SPATS2: variants seen among roughly 807,000 people sequenced by gnomAD.
SPATS2 encodes spermatogenesis associated serine rich 2.
Under a neutral mutation model 63.7 loss-of-function variants are expected in SPATS2, and 38 were observed. The ratio of observed to expected loss-of-function variants is 0.60; its 90% CI spans 0.46 to 0.78. The LOEUF is 0.78. Ranked by LOEUF, SPATS2 falls within the 30% of genes least tolerant of loss-of-function variation. SPATS2 has a pLI of 0.00. For missense variants in SPATS2, 588 were observed against 666.2 expected (o/e 0.88, Z 1.29); for synonymous variants, 207 against 232.9 (o/e 0.89, Z 1.01).
At chr12:49,506,308 A>G (rs1398089951) in intron 9 of SPATS2, among the ~76,000 whole-genome samples, 1 of 134,984 alleles carries the variant, frequency 7.4e-6, no homozygotes, top group Non-Finnish European at 1.5e-5. Flanking sequence ...AGACTGGGTA[A>G]TTTATCAAGG....
chr12:49,492,709 G>A (rs1946402790), intron 6 of SPATS2, among the ~76,000 whole-genome samples: 1 of 152,184 alleles, frequency 6.6e-6, no homozygotes, highest in Non-Finnish European at 1.5e-5. Context: ...GTTGGGATTA[G>A]TCCAATAGGA....
At chr12:49,413,556 G>C (rs544639839) in intron 2 of SPATS2, among the ~76,000 whole-genome samples, 12 of 151,982 alleles carry the variant, frequency 7.9e-5, no homozygotes, top group Middle Eastern at 6.8e-3. Flanking sequence ...ACTTCAGTCT[G>C]CTCTCTGGTC....
chr12:49,479,120 T>C (rs772605188), intron 3 of SPATS2, among the ~76,000 whole-genome samples: 6 of 152,218 alleles, frequency 3.9e-5, no homozygotes, highest in Non-Finnish European at 5.9e-5. Context: ...CCTGCCCAGC[T>C]CTGGCTGAGC....
At chr12:49,459,065 G>A (rs1192506862) in intron 2 of SPATS2, among the ~76,000 whole-genome samples, 1 of 152,140 alleles carries the variant, frequency 6.6e-6, no homozygotes, top group Non-Finnish European at 1.5e-5. Flanking sequence ...CACAATAAGC[G>A]AATAGAATGT....
intron 2 of SPATS2, among the ~76,000 whole-genome samples, chr12:49,373,921 A>G (rs1250959960): frequency 1.3e-5 from 2 of 151,988 alleles, no homozygotes; most frequent in African/African-American, 4.8e-5. Flanking sequence ...TCCAACTCTA[A>G]ATAAATAAAT....
chr12:49,417,104 G>A (rs1944901860), intron 2 of SPATS2, among the ~76,000 whole-genome samples: 1 of 152,180 alleles, frequency 6.6e-6, no homozygotes, highest in Non-Finnish European at 1.5e-5. Flanking sequence ...CTTTTCTTCA[G>A]TAGGGACAGG....
In SPATS2 at chr12:49,486,762, C is replaced by T. The variant is rs559554441; in HGVS notation, c.105+2093C>T. On this transcript the variant is annotated intron_variant, in intron 4 of 13. Coordinates refer to ENST00000552918, the MANE Select transcript of SPATS2 (RefSeq NM_023071.4). The stretch of plus-strand genomic sequence containing the variant: ...TGCCACTGCACTCCAGCTTAGGCGA[C>T]AGAGCGAGACTCCGTCAAAAAAAAA... 6.5e-5 allele frequency among the ~76,000 whole-genome samples: 9 copies of T among 138,680 alleles called. No homozygotes were observed. The South Asian group carries it at 2.0e-3, about 31-fold the overall frequency. 91.0% of individuals were successfully genotyped at this position (138,680 alleles called of 152,430 possible). A position where few individuals can be genotyped will look rare whatever the true frequency, so the allele number is the denominator to read the frequency against.
At chr12:49,402,939 AG>A (rs1944631855) in intron 2 of SPATS2, among the ~76,000 whole-genome samples, 1 of 152,286 alleles carries the variant, frequency 6.6e-6, no homozygotes, top group East Asian at 1.9e-4. Flanking sequence ...GGAGCAAAAG[AG>A]TGAAGGGACC....
chr12:49,403,239 A>G (rs1181405426), intron 2 of SPATS2, among the ~76,000 whole-genome samples: 1 of 152,174 alleles, frequency 6.6e-6, no homozygotes, highest in Non-Finnish European at 1.5e-5. Context: ...GTGCAGGTGT[A>G]GGGAAAGGCG....
At chr12:49,506,396 G>C (rs564349687) in intron 9 of SPATS2, among the ~76,000 whole-genome samples, 2 of 152,180 alleles carry the variant, frequency 1.3e-5, no homozygotes, top group Non-Finnish European at 2.9e-5. Flanking sequence ...GAGGAGCAAA[G>C]TCACATCTTA....
Position 49,390,075 on chromosome 12 carries a change from A to G in SPATS2, c.-244+18785A>G, listed in dbSNP as rs568624165. On this transcript the variant is annotated intron_variant, in intron 2 of 13. Transcript: ENST00000552918. ...AGATCCTATAAATAACTCGAGAATCACTTTTGAACCTAAGGAAAGAAGATG... is the reference window on the plus strand; with the variant it reads ...AGATCCTATAAATAACTCGAGAATCGCTTTTGAACCTAAGGAAAGAAGATG... 7.9e-5 allele frequency: 96 copies of G among 1,216,382 alleles called. No homozygotes were observed. The African/African-American group carries it at 1.3e-3, about 17-fold the overall frequency. The allele number at this position is 1,216,382 out of a possible 1,614,324, so 75.3% of individuals were successfully genotyped here. A position where few individuals can be genotyped will look rare whatever the true frequency, so the allele number is the denominator to read the frequency against.
intron 2 of SPATS2, among the ~76,000 whole-genome samples, chr12:49,401,349 G>A (rs564110399): frequency 3.9e-4 from 60 of 152,232 alleles, no homozygotes; most frequent in African/African-American, 1.4e-3. Flanking sequence ...GCTGCATGGT[G>A]CAGGCATAGA....
In SPATS2 at chr12:49,374,262, A is replaced by G. The variant is rs575273153; in HGVS notation, c.-244+2972A>G. On this transcript the variant is annotated intron_variant, in intron 2 of 13. Coordinates refer to ENST00000552918, the MANE Select transcript of SPATS2 (RefSeq NM_023071.4). ...TTCTGTCACCTCAGCCTCAGTAGCT[A>G]GGACTGCAGGCACACACCATGGCAG... 2.0e-5 allele frequency among the ~76,000 whole-genome samples: 3 copies of G among 152,146 alleles called. No individual in the cohort carries two copies. The East Asian group carries it at 5.8e-4, about 29-fold the overall frequency.
intron 9 of SPATS2, among the ~76,000 whole-genome samples, chr12:49,508,527 T>G (rs1428155035): frequency 6.6e-6 from 1 of 152,064 alleles, no homozygotes; most frequent in African/African-American, 2.4e-5. Flanking sequence ...AAAATCACAG[T>G]TTCAAATGAG....
intron 2 of SPATS2, among the ~76,000 whole-genome samples, chr12:49,416,869 A>G (rs1056405273): frequency 6.6e-6 from 1 of 152,118 alleles, no homozygotes; most frequent in African/African-American, 2.4e-5. Context: ...ATGAGACTCT[A>G]CCTTTTGATG....
intron 3 of SPATS2, among the ~76,000 whole-genome samples, chr12:49,483,728 C>T (rs1946244281): frequency 6.6e-6 from 1 of 152,124 alleles, no homozygotes; most frequent in Non-Finnish European, 1.5e-5. Context: ...GAAATTCTAA[C>T]TCCTAAGCTA....
intron 2 of SPATS2, among the ~76,000 whole-genome samples, chr12:49,431,654 C>T (rs1945188534): frequency 6.6e-6 from 1 of 152,146 alleles, no homozygotes; most frequent in South Asian, 2.1e-4. Flanking sequence ...GAATATTTTG[C>T]TCTTATAAAT....
intron 6 of SPATS2, among the ~76,000 whole-genome samples, chr12:49,491,332 T>C: frequency 6.6e-6 from 1 of 152,102 alleles, no homozygotes; most frequent in East Asian, 1.9e-4. Context: ...TTTTCAACCA[T>C]ATTCATACCA....
intron 2 of SPATS2, among the ~76,000 whole-genome samples, chr12:49,452,145 T>A (rs534467016): frequency 2.0e-5 from 3 of 152,114 alleles, no homozygotes; most frequent in African/African-American, 7.2e-5. Flanking sequence ...TAGATACATT[T>A]AAAAAAAATC....
Sources: allele counts gnomAD v4.1 joint callset (sites outside exome capture counted in the v4.1 genomes callset), GRCh38; gene constraint gnomAD v4.1.1; transcripts MANE v1.5; gene names NCBI Gene and HGNC (gene_info 2026-07-23, HGNC 2026-07-21).